The following EPM2A variants were observed in gnomAD, a reference collection of about 807,000 sequenced individuals.
The protein encoded by EPM2A is laforin.
A neutral mutation model predicts 26.5 loss-of-function variants in EPM2A; 21 were observed. The ratio of observed to expected loss-of-function variants is 0.79; its 90% CI spans 0.56 to 1.14. The LOEUF is 1.14. EPM2A is among the 50% of genes most tolerant of loss of function. The pLI is 0.00. For synonymous variants in EPM2A, 217 were observed against 177.6 expected, an observed-to-expected ratio of 1.22 and a Z score of -1.76; for missense variants, 458 against 440.8, an observed-to-expected ratio of 1.04 and a Z score of -0.35.
At chr6:145,690,220 C>T (rs910664944) in intron 1 of EPM2A, among the ~76,000 whole-genome samples, 2 of 152,170 alleles carry the variant, frequency 1.3e-5, no homozygotes, top group East Asian at 3.9e-4. Flanking sequence ...TGCATAAGAG[C>T]TAACCTCAGG....
At chr6:145,703,306 T>C (rs758417620) in intron 1 of EPM2A, among the ~76,000 whole-genome samples, 4 of 152,068 alleles carry the variant, frequency 2.6e-5, no homozygotes, top group Non-Finnish European at 5.9e-5. Context: ...TTAGCCAGGG[T>C]GGTCTCGATC....
chr6:145,550,046 T>C (rs1780633850), intron 2 of EPM2A, among the ~76,000 whole-genome samples: 1 of 152,130 alleles, frequency 6.6e-6, no homozygotes, highest in South Asian at 2.1e-4. Context: ...AAGTGGTGTA[T>C]ACTTGTATAG....
At position 145,436,139 on chromosome 6, in the gene EPM2A, C is replaced by G. The variant is rs148468051; in HGVS notation, c.556-52042G>C. Among the ~76,000 whole-genome samples the G allele has an allele frequency of 1.3e-3, 203 of 152,310 alleles. 1 individual carries two copies. The highest frequency in any genetic ancestry group is 4.6e-3 in the African/African-American group (192 of 41,566). ...GCCAACCACTGGCAGCCACTGATCA[C>G]CTTACCGGCTCATCCATGTTGCAGC... is the stretch of plus-strand genomic sequence containing the variant. On this transcript the variant is annotated intron_variant, in intron 4 of 4. Coordinates refer to the EPM2A transcript ENST00000638717.
intron 2 of EPM2A, among the ~76,000 whole-genome samples, chr6:145,613,193 G>A (rs780104364): frequency 1.3e-5 from 2 of 152,112 alleles, no homozygotes; most frequent in Non-Finnish European, 2.9e-5. Context: ...TAACATCGCA[G>A]GAAACCACTT....
intron 1 of EPM2A, among the ~76,000 whole-genome samples, chr6:145,727,507 T>TAA (rs554366521): frequency 8.4e-5 from 12 of 142,982 alleles, no homozygotes; most frequent in African/African-American, 1.3e-4. Context: ...TAGCCCATGA[T>TAA]AAAAAAAAAA....
intron 2 of EPM2A, among the ~76,000 whole-genome samples, chr6:145,610,459 A>G (rs1187629888): frequency 6.6e-6 from 1 of 152,230 alleles, no homozygotes; most frequent in Non-Finnish European, 1.5e-5. Flanking sequence ...TCAAATATTG[A>G]AAGACTCTTA....
At chr6:145,426,272 G>A (rs1778853640) in intron 4 of EPM2A, among the ~76,000 whole-genome samples, 1 of 152,092 alleles carries the variant, frequency 6.6e-6, no homozygotes, top group Non-Finnish European at 1.5e-5. Context: ...TCTTCACACT[G>A]CTCCCTTTGC....
chr6:145,462,264 G>A (rs899053856), intron 4 of EPM2A, among the ~76,000 whole-genome samples: 3 of 152,176 alleles, frequency 2.0e-5, no homozygotes, highest in African/African-American at 7.2e-5. Flanking sequence ...AGCAGGGTAT[G>A]GTACTTAAAA....
At chr6:145,440,982 C>T (rs1369050688) in intron 4 of EPM2A, among the ~76,000 whole-genome samples, 1 of 152,222 alleles carries the variant, frequency 6.6e-6, no homozygotes, top group African/African-American at 2.4e-5. Context: ...CTAGGTGGTG[C>T]CCCAGTAGGG....
At chr6:145,571,174 C>A (rs577486773) in intron 2 of EPM2A, among the ~76,000 whole-genome samples, 1 of 131,928 alleles carries the variant, frequency 7.6e-6, no homozygotes, top group African/African-American at 2.6e-5. Context: ...TGAATCCTGG[C>A]TATGGGAGAA....
intron 4 of EPM2A, chr6:145,490,649 T>G (rs1345215517): frequency 4.8e-6 from 3 of 630,302 alleles, no homozygotes; most frequent in Non-Finnish European, 9.2e-6. Context: ...ATTTCACACT[T>G]GAAACTCTCA....
At chr6:145,490,204 C>A in intron 4 of EPM2A, 1 of 1,072,068 alleles carries the variant, frequency 9.3e-7, no homozygotes, top group South Asian at 1.6e-5. Context: ...CACTGAGATG[C>A]CTCATTAATT....
At chr6:145,608,370 C>T (rs1339403106) in intron 2 of EPM2A, among the ~76,000 whole-genome samples, 1 of 152,126 alleles carries the variant, frequency 6.6e-6, no homozygotes, top group Non-Finnish European at 1.5e-5. Flanking sequence ...CCTTCCAAAG[C>T]CAGAAAACAG....
chr6:145,698,884 A>G (rs1244812904), intron 1 of EPM2A, among the ~76,000 whole-genome samples: 1 of 152,148 alleles, frequency 6.6e-6, no homozygotes, highest in Non-Finnish European at 1.5e-5. Flanking sequence ...CTGAGGAAAC[A>G]CCGTAAGGAT....
chr6:145,496,715 G>C (rs1779824418), downstream of EPM2A, among the ~76,000 whole-genome samples: 1 of 145,200 alleles, frequency 6.9e-6, no homozygotes, highest in African/African-American at 2.5e-5. Flanking sequence ...TATTTTTACT[G>C]TCAGTTCCTG....
chr6:145,393,819 ATTTTTTTT>A (rs767790639), intron 4 of EPM2A, among the ~76,000 whole-genome samples: 1 of 148,400 alleles, frequency 6.7e-6, no homozygotes, highest in Non-Finnish European at 1.5e-5. Flanking sequence ...ACCTATGACT[ATTTTTTTT>A]TCTTTTTTTT....
chr6:145,659,446 AAT>A lies in EPM2A; in HGVS notation c.477-23962_477-23961del, dbSNP rs1378686486. 6.2e-4 allele frequency among the ~76,000 whole-genome samples: 95 copies of A among 152,368 alleles called. 2 individuals carry two copies. Among genetic ancestry groups the A allele is most frequent in the African/African-American group, 2.2e-3 (92 of 41,592 alleles). Reference sequence around the variant, plus strand: ...GATTTTATTAGGATAAGAAAATCAGAATATGAGGTAAATACAATTTTTGTTCA... The same window carrying A: ...GATTTTATTAGGATAAGAAAATCAGAATGAGGTAAATACAATTTTTGTTCA... On this transcript the variant is annotated intron_variant, in intron 2 of 3. Coordinates refer to ENST00000367519, the MANE Select transcript of EPM2A (RefSeq NM_005670.4).
At chr6:145,439,866 G>A (rs1336946990) in intron 4 of EPM2A, among the ~76,000 whole-genome samples, 1 of 152,100 alleles carries the variant, frequency 6.6e-6, no homozygotes, top group Non-Finnish European at 1.5e-5. Flanking sequence ...AATTGCTTCT[G>A]GCATTTTTAT....
chr6:145,712,830 T>C (rs896342250), intron 1 of EPM2A, among the ~76,000 whole-genome samples: 1 of 152,204 alleles, frequency 6.6e-6, no homozygotes, highest in African/African-American at 2.4e-5. Context: ...TCCACCTTAC[T>C]GTCCTGATTT....
Sources: gnomAD v4.1 joint callset for allele counts (sites outside exome capture counted in the v4.1 genomes callset) on GRCh38, gnomAD v4.1.1 for gene constraint, MANE v1.5 for transcripts, NCBI Gene and HGNC (gene_info 2026-07-23, HGNC 2026-07-21) for gene names.